SLC7A7: variants seen among roughly 807,000 people sequenced by gnomAD.
The protein encoded by SLC7A7 is Y+L amino acid transporter 1.
Under a neutral mutation model 47.9 loss-of-function variants are expected in SLC7A7, and 39 were observed. That is an observed-to-expected ratio of 0.81 (90% CI 0.63 to 1.06). The LOEUF is 1.06. Ranked by LOEUF, SLC7A7 falls within the 50% of genes least tolerant of loss-of-function variation. SLC7A7 has a pLI of 0.00. For missense variants in SLC7A7, 588 were observed against 632.0 expected (o/e 0.93, Z 0.75); for synonymous variants, 234 against 242.8 (o/e 0.96, Z 0.34).
intron 8 of SLC7A7, 94 bp downstream of exon 8, chr14:22,774,260 C>T: frequency 1.9e-6 from 3 of 1,605,870 alleles, no homozygotes; most frequent in Non-Finnish European, 2.6e-6. Flanking sequence ...AAGTCCCAGG[C>T]AAAGGTTTCT....
In SLC7A7 at chr14:22,801,550, G is replaced by A. The variant is rs372552044; in HGVS notation, c.499+11350C>T. Among the ~76,000 whole-genome samples the A allele has an allele frequency of 6.6e-5, 10 of 152,078 alleles. No homozygotes were observed. The East Asian group carries it at 1.2e-3, about 18-fold the overall frequency. ...TGTAATCCCAGCACTTTGGGAGGCC[G>A]AGGCAGGCGGATCATGAGGTCAAGA... is the stretch of plus-strand genomic sequence containing the variant. On this transcript the variant is annotated intron_variant, in intron 2 of 9. Coordinates refer to ENST00000674313, the MANE Select transcript of SLC7A7 (RefSeq NM_003982.4).
intron 2 of SLC7A7, 118 bp downstream of exon 2, chr14:22,812,782 T>C (rs1400432225): frequency 1.5e-6 from 1 of 646,388 alleles, no homozygotes; most frequent in Non-Finnish European, 2.3e-6. Flanking sequence ...ACTATATATA[T>C]ATATATATAT....
intron 2 of SLC7A7, among the ~76,000 whole-genome samples, chr14:22,805,384 G>A (rs1345343918): frequency 1.3e-5 from 2 of 151,956 alleles, no homozygotes; most frequent in Non-Finnish European, 2.9e-5. Context: ...AGAAAGGTAC[G>A]GCAAGTAAGA....
In SLC7A7 at chr14:22,775,482, C is replaced by A. The variant is rs1297646830; in HGVS notation, c.1057G>T (p.Val353Phe). 6.2e-7 allele frequency: 1 copy of A among 1,614,076 alleles called. No individual in the cohort carries two copies. Among genetic ancestry groups the A allele is most frequent in the Non-Finnish European group, 8.5e-7 (1 of 1,180,036 alleles). ...GAAGGCACTGGTGTGAACCGCTCAA[C>A]ATGGATCATGCAGATGGCATCAGGG... ...HLPDAICMIH[V>F]ERFTPVPSLL... is the part of the protein sequence containing the mutation. The change falls in exon 7 of 10, where the codon GTT becomes TTT. Residue 353 changes from valine to phenylalanine, a missense_variant. By Grantham distance (50) the Val-to-Phe change is conservative. Transcript: ENST00000674313.
At position 22,773,955 on chromosome 14, in the gene SLC7A7, C is replaced by CG; in HGVS notation, c.1406dup (p.Leu470AlafsTer42). On this transcript the variant is annotated frameshift_variant, in exon 9 of 10. Transcript: ENST00000674313. LOFTEE classifies it high-confidence loss of function. ...TACCCACGATCCTTCGGAGGTAAAG[C>CG]GGTCGCTTATGTTCTGGCACTCTGA... 6.2e-7 allele frequency: 1 copy of CG among 1,614,142 alleles called. No individual in the cohort carries two copies. Among genetic ancestry groups the CG allele is most frequent in the Non-Finnish European group, 8.5e-7 (1 of 1,180,040 alleles).
chr14:22,793,317 G>A (rs2038959443), intron 2 of SLC7A7, among the ~76,000 whole-genome samples: 1 of 152,212 alleles, frequency 6.6e-6, no homozygotes, highest in Admixed American at 6.5e-5. Flanking sequence ...CAGTGAAAGA[G>A]ATCTAACTTA....
rs915017898 is a variant in SLC7A7 at position 22,773,315 on chromosome 14, TAAAAG to T, written c.*290_*294del. ...GAAATTGGAGCATTGTGGGCCCTTT[TAAAAG>T]AAAAGAGGAGTAGGTAGGCACACCC... On this transcript the variant is annotated 3_prime_UTR_variant, in exon 10 of 10. Transcript: ENST00000674313. 9.7e-6 allele frequency: 5 copies of T among 516,982 alleles called. No individual in the cohort carries two copies. The East Asian group carries it at 2.1e-4, about 21-fold the overall frequency. 32.0% of individuals were successfully genotyped at this position (516,982 alleles called of 1,614,324 possible). A position where few individuals can be genotyped will look rare whatever the true frequency, so the allele number is the denominator to read the frequency against.
At chr14:22,819,522 A>C (rs2039448083), upstream of SLC7A7, 2 of 152,168 alleles carry the variant, frequency 1.3e-5, no homozygotes, top group Non-Finnish European at 2.9e-5. Context: ...AGGGAGGGAC[A>C]GGGCTGGGAT....
intron 7 of SLC7A7, 38 bp from the exon 8 acceptor site, chr14:22,774,541 T>G (rs1314484851): frequency 6.2e-7 from 1 of 1,613,968 alleles, no homozygotes; most frequent in Admixed American, 1.7e-5. Context: ...TCTCAGGGCC[T>G]TTGTTAATCC....
chr14:22,815,336 T>C lies in SLC7A7; in HGVS notation c.-59A>G, dbSNP rs772350472. The C allele has an allele frequency of 2.2e-6, 1 of 454,460 alleles. No homozygotes were observed. The highest frequency in any genetic ancestry group is 1.6e-5 in the South Asian group (1 of 64,478). The allele number at this position is 454,460 out of a possible 1,614,324, so 28.2% of individuals were successfully genotyped here. ...CACACTCACTCCTTGGTCCTGGATA[T>C]AAGCAGGTTCTCACGGCAGTGTGAG... On this transcript the variant is annotated 5_prime_UTR_variant, in exon 1 of 10. Coordinates refer to ENST00000674313, the MANE Select transcript of SLC7A7 (RefSeq NM_003982.4).
In SLC7A7 at chr14:22,782,460, ATTTAT is replaced by A. The variant is rs1160733120; in HGVS notation, c.500-2414_500-2410del. Among the ~76,000 whole-genome samples, 335 of 144,872 alleles carry A rather than the reference ATTTAT, an allele frequency of 2.3e-3. 2 individuals are homozygous for A. The highest frequency in any genetic ancestry group is 7.9e-3 in the African/African-American group (314 of 39,590). On this transcript the variant is annotated intron_variant, in intron 2 of 9. Coordinates refer to ENST00000674313, the MANE Select transcript of SLC7A7 (RefSeq NM_003982.4). ...TATTGACTTATTTATTTATTTATTT[ATTTAT>A]TTTATTTATTTTTTGAGACACAGTC... is the stretch of plus-strand genomic sequence containing the variant.
chr14:22,775,613 C>T lies in SLC7A7; in HGVS notation c.999-73G>A, dbSNP rs534044676. On this transcript the variant is annotated intron_variant, in intron 6 of 9. Coordinates refer to ENST00000674313, the MANE Select transcript of SLC7A7 (RefSeq NM_003982.4). ...GCAGCCTGGTTCACCTGCCACATGG[C>T]CCTCCCTCTCTGCCATCCCTTCCTT... The T allele has an allele frequency of 7.2e-6, 9 of 1,241,750 alleles. No homozygotes were observed. The South Asian group carries it at 1.1e-4, about 15-fold the overall frequency. 76.9% of individuals were successfully genotyped at this position (1,241,750 alleles called of 1,614,324 possible). A position where few individuals can be genotyped will look rare whatever the true frequency, so the allele number is the denominator to read the frequency against.
intron 2 of SLC7A7, among the ~76,000 whole-genome samples, chr14:22,792,985 T>C (rs1238553198): frequency 1.3e-5 from 2 of 148,242 alleles, no homozygotes; most frequent in Non-Finnish European, 3.0e-5. Context: ...GGTGCGATCT[T>C]GGCTCACTGC....
chr14:22,775,271 A>G (rs186896455), intron 7 of SLC7A7, among the ~76,000 whole-genome samples, 173 bp downstream of exon 7: 91 of 152,194 alleles, frequency 6.0e-4, no homozygotes, highest in African/African-American at 2.1e-3. Flanking sequence ...GAGCATTTGG[A>G]TTTCCCCTGT....
Position 22,773,452 on chromosome 14 carries a change from T to A in SLC7A7, c.*158A>T. 3 of 719,196 alleles carry A rather than the reference T, an allele frequency of 4.2e-6. No individual in the cohort carries two copies. Among genetic ancestry groups the A allele is most frequent in the African/African-American group, 1.7e-5 (1 of 57,492 alleles). 44.6% of individuals were successfully genotyped at this position (719,196 alleles called of 1,614,324 possible). On this transcript the variant is annotated 3_prime_UTR_variant, in exon 10 of 10. Coordinates refer to ENST00000674313, the MANE Select transcript of SLC7A7 (RefSeq NM_003982.4). Reference sequence around the variant, plus strand: ...ACAGTATGTAGCAAAACAAATAAATTACTTTTCATTTCAAAAAGTAAGTTC... The same window carrying A: ...ACAGTATGTAGCAAAACAAATAAATAACTTTTCATTTCAAAAAGTAAGTTC...
At chr14:22,807,471 T>C (rs1288033652) in intron 2 of SLC7A7, among the ~76,000 whole-genome samples, 2 of 151,986 alleles carry the variant, frequency 1.3e-5, no homozygotes, top group Non-Finnish European at 2.9e-5. Flanking sequence ...ACTCAGGAGG[T>C]AGGAGGATTA....
At chr14:22,814,282 G>A (rs1354173603) in intron 1 of SLC7A7, among the ~76,000 whole-genome samples, 4 of 151,350 alleles carry the variant, frequency 2.6e-5, no homozygotes, top group Admixed American at 6.6e-5. Context: ...TCGGGAGTTC[G>A]AGACCAGCCT....
At chr14:22,819,607 CG>C (rs2138678215), upstream of SLC7A7, 1 of 152,334 alleles carries the variant, frequency 6.6e-6, no homozygotes, top group African/African-American at 2.4e-5. Context: ...CTTCCCCTCT[CG>C]CCCATTGTCC....
chr14:22,774,337 G>T lies in SLC7A7; in HGVS notation c.1245+17C>A, dbSNP rs1164089328. 8 of 1,613,996 alleles carry T rather than the reference G, an allele frequency of 5.0e-6. No individual in the cohort carries two copies. Among genetic ancestry groups the T allele is most frequent in the Non-Finnish European group, 6.8e-6 (8 of 1,180,012 alleles). ...AGCTGTTTCAGGTGGAGCAGAGGTA[G>T]GATGGAGTTGCCTTACCTTGAGGGG... On this transcript the variant is annotated intron_variant, in intron 8 of 9. Transcript: ENST00000674313.
Sources: gnomAD v4.1 joint callset for allele counts (sites outside exome capture counted in the v4.1 genomes callset) on GRCh38, gnomAD v4.1.1 for gene constraint, MANE v1.5 for transcripts, NCBI Gene and HGNC (gene_info 2026-07-23, HGNC 2026-07-21) for gene names.